The following RIMS1 variants were observed in gnomAD, a reference collection of about 807,000 sequenced individuals.
The protein encoded by RIMS1 is regulating synaptic membrane exocytosis protein 1.
A neutral mutation model predicts 214.1 loss-of-function variants in RIMS1; 83 were observed. The observed-to-expected ratio is 0.39, with a 90% CI of 0.32 to 0.47. The LOEUF (loss-of-function observed/expected upper bound fraction) is 0.47. RIMS1 is among the 20% of genes least tolerant of loss of function. RIMS1 has a pLI of 0.99. For missense variants in RIMS1, 2,050 were observed against 2,161.8 expected (o/e 0.95, Z 1.03); for synonymous variants, 793 against 786.8 (o/e 1.01, Z -0.13).
At chr6:72,291,136 A>T (rs1420338093) in intron 25 of RIMS1, among the ~76,000 whole-genome samples, 1 of 152,076 alleles carries the variant, frequency 6.6e-6, no homozygotes, top group African/African-American at 2.4e-5. Flanking sequence ...TTCATATATA[A>T]TTTTTTTAAT....
chr6:72,071,852 A>T (rs1272925351), intron 2 of RIMS1, among the ~76,000 whole-genome samples: 2 of 152,226 alleles, frequency 1.3e-5, no homozygotes, highest in Admixed American at 1.3e-4. Flanking sequence ...CGTTCCAAAT[A>T]GTAAATGACT....
intron 2 of RIMS1, among the ~76,000 whole-genome samples, chr6:71,971,875 G>T (rs1583817392): frequency 1.3e-5 from 2 of 152,222 alleles, no homozygotes; most frequent in South Asian, 2.1e-4. Context: ...ATGAGATTTG[G>T]GTTGGGAACA....
At chr6:72,071,844 T>A (rs775144248) in intron 2 of RIMS1, among the ~76,000 whole-genome samples, 1 of 152,168 alleles carries the variant, frequency 6.6e-6, no homozygotes, top group Non-Finnish European at 1.5e-5. Context: ...TAAAAAATCG[T>A]TCCAAATAGT....
chr6:71,910,996 T>C (rs1363074983), intron 1 of RIMS1, among the ~76,000 whole-genome samples: 1 of 152,136 alleles, frequency 6.6e-6, no homozygotes, highest in African/African-American at 2.4e-5. Context: ...GTGAAGGTTA[T>C]AGAGGAGTCA....
intron 2 of RIMS1, among the ~76,000 whole-genome samples, chr6:71,972,841 A>G (rs1796202379): frequency 6.6e-6 from 1 of 152,240 alleles, no homozygotes; most frequent in Admixed American, 6.5e-5. Context: ...GTTTAAAAAG[A>G]GAAAATGATT....
In RIMS1 at chr6:72,149,874, A is replaced by G. The variant is rs190189808; in HGVS notation, c.472-29701A>G. Among the ~76,000 whole-genome samples, 58 of 152,332 alleles carry G rather than the reference A, an allele frequency of 3.8e-4. No individual in the cohort carries two copies. The East Asian group carries it at 5.6e-3, about 15-fold the overall frequency. On this transcript the variant is annotated intron_variant, in intron 4 of 33. Coordinates refer to ENST00000521978, the MANE Select transcript of RIMS1 (RefSeq NM_014989.7). ...CTGGGCCACACCTGGCTTGCAGACC[A>G]GCCTGTATTCTGTGCTCACCAGGGG... is the stretch of plus-strand genomic sequence containing the variant.
intron 28 of RIMS1, among the ~76,000 whole-genome samples, chr6:72,318,968 A>G (rs946916386): frequency 3.3e-5 from 5 of 152,190 alleles, no homozygotes; most frequent in Non-Finnish European, 7.4e-5. Context: ...GAATCAGAAT[A>G]TATCATCTAC....
intron 4 of RIMS1, among the ~76,000 whole-genome samples, chr6:72,128,369 C>T (rs2039930862): frequency 6.6e-6 from 1 of 152,112 alleles, no homozygotes. Context: ...CTCCTCTCCA[C>T]TTCCTTCCCC....
At chr6:72,378,617 G>T (rs957761663) in intron 29 of RIMS1, among the ~76,000 whole-genome samples, 2 of 152,150 alleles carry the variant, frequency 1.3e-5, no homozygotes, top group African/African-American at 4.8e-5. Context: ...ATCACCTGAG[G>T]TCAGGAGTTC....
chr6:72,168,355 A>G (rs1005896283), intron 4 of RIMS1, among the ~76,000 whole-genome samples: 4 of 152,248 alleles, frequency 2.6e-5, no homozygotes, highest in African/African-American at 9.6e-5. Flanking sequence ...GAAATAAAGT[A>G]TACTTGGAAG....
chr6:72,152,753 A>G (rs549728231), intron 4 of RIMS1, among the ~76,000 whole-genome samples: 12 of 136,440 alleles, frequency 8.8e-5, no homozygotes, highest in Non-Finnish European at 1.2e-4. Context: ...ATATATATGT[A>G]TATATATGGA....
intron 1 of RIMS1, among the ~76,000 whole-genome samples, chr6:71,898,882 A>G (rs1326643579): frequency 6.6e-6 from 1 of 151,884 alleles, no homozygotes; most frequent in Admixed American, 6.6e-5. Context: ...CCCTTTTTAC[A>G]CTTGGTTCCA....
In RIMS1 at chr6:72,233,721, A is replaced by G. The variant is rs1308379218; in HGVS notation, c.1679-52A>G. The G allele has an allele frequency of 2.4e-6, 3 of 1,266,648 alleles. No individual in the cohort carries two copies. The Admixed American group carries it at 5.9e-5, about 25-fold the overall frequency. 78.5% of individuals were successfully genotyped at this position (1,266,648 alleles called of 1,614,324 possible). A position where few individuals can be genotyped will look rare whatever the true frequency, so the allele number is the denominator to read the frequency against. On this transcript the variant is annotated intron_variant, in intron 6 of 33. Transcript: ENST00000521978. ...TCGAAGAAGTAAAGCTTAAAGTGATACACTCTTCTCTTTAATACCATTACA... is the reference window on the plus strand; with the variant it reads ...TCGAAGAAGTAAAGCTTAAAGTGATGCACTCTTCTCTTTAATACCATTACA...
In RIMS1 at chr6:72,400,603, C is replaced by T. The variant is rs2098829208; in HGVS notation, c.4968C>T (p.Tyr1656=). Residue 1656 remains tyrosine, a synonymous_variant, in exon 34 of 34, where the codon TAC becomes TAT. Coordinates refer to ENST00000521978, the MANE Select transcript of RIMS1 (RefSeq NM_014989.7). ...LDLSSMVIGW[Y]KLFPPSSLVD... ...TGTCCAGCATGGTGATCGGATGGTA[C>T]AAATTGTTCCCACCGTCCTCACTGG... The T allele has an allele frequency of 2.1e-5, 34 of 1,613,702 alleles. No homozygotes were observed. Among genetic ancestry groups the T allele is most frequent in the Non-Finnish European group, 2.9e-5 (34 of 1,179,826 alleles).
At chr6:72,036,853 G>A (rs1819757329) in intron 2 of RIMS1, among the ~76,000 whole-genome samples, 1 of 152,158 alleles carries the variant, frequency 6.6e-6, no homozygotes, top group South Asian at 2.1e-4. Context: ...AGAAATGAAA[G>A]GGGGCAACAT....
intron 2 of RIMS1, among the ~76,000 whole-genome samples, chr6:72,007,741 G>A (rs929806345): frequency 2.0e-5 from 3 of 152,194 alleles, no homozygotes; most frequent in Non-Finnish European, 4.4e-5. Context: ...AAGATCAAAT[G>A]AACGAAATGA....
intron 6 of RIMS1, among the ~76,000 whole-genome samples, chr6:72,231,702 C>A (rs2062028651): frequency 6.6e-6 from 1 of 151,642 alleles, no homozygotes; most frequent in Admixed American, 6.6e-5. Flanking sequence ...AATAGCACTG[C>A]TTGATAGCAC....
intron 1 of RIMS1, among the ~76,000 whole-genome samples, chr6:71,888,464 A>G (rs967624651): frequency 4.6e-5 from 7 of 152,198 alleles, no homozygotes; most frequent in Non-Finnish European, 8.8e-5. Flanking sequence ...CCAGACACAG[A>G]GCACATTCTG....
At chr6:71,951,773 G>T (rs1789659226) in intron 1 of RIMS1, among the ~76,000 whole-genome samples, 1 of 151,592 alleles carries the variant, frequency 6.6e-6, no homozygotes, top group Non-Finnish European at 1.5e-5. Flanking sequence ...CTCCCAAAGT[G>T]CTGGGATTAT....
Sources: gnomAD v4.1 joint callset for allele counts (sites outside exome capture counted in the v4.1 genomes callset) on GRCh38, gnomAD v4.1.1 for gene constraint, MANE v1.5 for transcripts, NCBI Gene and HGNC (gene_info 2026-07-23, HGNC 2026-07-21) for gene names.